GRID2: variants seen among roughly 807,000 people sequenced by gnomAD.
GRID2 encodes glutamate receptor ionotropic, delta-2.
Under a neutral mutation model 114.8 loss-of-function variants are expected in GRID2, and 33 were observed. The ratio of observed to expected loss-of-function variants is 0.29; its 90% CI spans 0.22 to 0.38. The LOEUF (loss-of-function observed/expected upper bound fraction) is 0.38. GRID2 is among the 10% of genes least tolerant of loss of function. GRID2 has a pLI of 1.00. For missense variants in GRID2, 1,184 were observed against 1,257.7 expected, an observed-to-expected ratio of 0.94 and a Z score of 0.89; for synonymous variants, 505 against 449.9, an observed-to-expected ratio of 1.12 and a Z score of -1.55.
chr4:92,897,417 A>G (rs1747251121), intron 2 of GRID2, among the ~76,000 whole-genome samples: 2 of 152,070 alleles, frequency 1.3e-5, no homozygotes, highest in African/African-American at 4.8e-5. Flanking sequence ...CAAAGTTCCT[A>G]TTTTGTTTGT....
chr4:93,059,743 A>G (rs1727598313), intron 2 of GRID2, among the ~76,000 whole-genome samples: 1 of 152,084 alleles, frequency 6.6e-6, no homozygotes, highest in Non-Finnish European at 1.5e-5. Flanking sequence ...AAGATAAATG[A>G]AACATAATTC....
At chr4:92,680,462 A>G (rs1733596934) in intron 2 of GRID2, among the ~76,000 whole-genome samples, 1 of 152,124 alleles carries the variant, frequency 6.6e-6, no homozygotes, top group Admixed American at 6.6e-5. Context: ...TTAAACACAA[A>G]GTAGAAAATG....
At chr4:93,125,890 G>A (rs1328134251) in intron 4 of GRID2, among the ~76,000 whole-genome samples, 1 of 152,154 alleles carries the variant, frequency 6.6e-6, no homozygotes. Flanking sequence ...TCTCTTCACT[G>A]CTTATGACAG....
intron 2 of GRID2, among the ~76,000 whole-genome samples, chr4:92,854,041 G>A (rs1263416595): frequency 6.6e-6 from 1 of 151,182 alleles, no homozygotes; most frequent in East Asian, 1.9e-4. Context: ...ACAGATCTGT[G>A]GTGCAATGAC....
In GRID2 at chr4:92,524,136, G is replaced by A. The variant is rs994620571; in HGVS notation, c.89-65995G>A. On this transcript the variant is annotated intron_variant, in intron 1 of 15. Transcript: ENST00000282020. ...CGAACTTTTTGATGGAGCCCTAAGA[G>A]TTGTCTTTATTGGTAAACAAGGGTT... 4.6e-5 allele frequency among the ~76,000 whole-genome samples: 7 copies of A among 152,110 alleles called. No homozygotes were observed. In the South Asian group the frequency reaches 8.3e-4, roughly 18 times the overall value.
At chr4:92,919,233 C>T (rs890952599) in intron 2 of GRID2, among the ~76,000 whole-genome samples, 1 of 150,374 alleles carries the variant, frequency 6.7e-6, no homozygotes, top group Non-Finnish European at 1.5e-5. Context: ...CTATTTGATT[C>T]TTCTCTCATT....
intron 8 of GRID2, among the ~76,000 whole-genome samples, chr4:93,372,136 A>G (rs991864025): frequency 1.3e-5 from 2 of 152,194 alleles, no homozygotes; most frequent in African/African-American, 2.4e-5. Context: ...AGACCTCATT[A>G]TAATAGTATT....
Position 93,422,789 on chromosome 4 carries a change from G to T in GRID2, c.1366G>T (p.Val456Phe). 1.9e-6 allele frequency: 3 copies of T among 1,612,376 alleles called. No homozygotes were observed. The highest frequency in any genetic ancestry group is 2.5e-6 in the Non-Finnish European group (3 of 1,178,530). Residue 456 changes from valine (V) to phenylalanine (F), a missense_variant, in exon 10 of 16, where the codon GTC (valine) becomes TTC (phenylalanine). Around this residue, in one of 3 missense-constraint regions of GRID2, gnomAD observed 717 missense variants for 796.9 expected, o/e 0.90. Coordinates refer to ENST00000282020, the MANE Select transcript of GRID2 (RefSeq NM_001510.4). ...CATGTAGGAAGAACCTTTTGTGATGGTCTCTGAAAATGTCTTGGGTAAGCC... is the reference window on the plus strand; with the variant it reads ...CATGTAGGAAGAACCTTTTGTGATGTTCTCTGAAAATGTCTTGGGTAAGCC... ...VTVLEEPFVM[V>F]SENVLGKPKK...
intron 2 of GRID2, among the ~76,000 whole-genome samples, chr4:92,869,200 G>A (rs976334693): frequency 6.6e-6 from 1 of 152,106 alleles, no homozygotes; most frequent in African/African-American, 2.4e-5. Flanking sequence ...GCTTACTGGT[G>A]ATACTGTCAT....
intron 2 of GRID2, among the ~76,000 whole-genome samples, chr4:92,804,965 A>G (rs1196833740): frequency 1.3e-5 from 2 of 152,014 alleles, no homozygotes; most frequent in Non-Finnish European, 2.9e-5. Flanking sequence ...GTTATTGCCT[A>G]AACTCCATTG....
In GRID2 at chr4:92,709,589, AATAT is replaced by A. The variant is rs1553919235; in HGVS notation, c.244+119320_244+119323del. Among the ~76,000 whole-genome samples the A allele has an allele frequency of 6.7e-4, 77 of 114,634 alleles. 2 individuals are homozygous for A. In the Middle Eastern group the frequency reaches 0.015, roughly 23 times the overall value. 75.2% of individuals were successfully genotyped at this position (114,634 alleles called of 152,430 possible). A position where few individuals can be genotyped will look rare whatever the true frequency, so the allele number is the denominator to read the frequency against. On this transcript the variant is annotated intron_variant, in intron 2 of 15. Coordinates refer to ENST00000282020, the MANE Select transcript of GRID2 (RefSeq NM_001510.4). ...AGTGTAGAGAAAAAAAAAAAAAAAA[AATAT>A]ATATATATATATATATGTAATTTGA... is the stretch of plus-strand genomic sequence containing the variant.
intron 1 of GRID2, among the ~76,000 whole-genome samples, chr4:92,421,677 G>A (rs943710861): frequency 1.3e-5 from 2 of 152,082 alleles, no homozygotes; most frequent in African/African-American, 4.8e-5. Flanking sequence ...AGAGTTTGCT[G>A]GGCGCTCTGT....
At chr4:92,331,260 A>G (rs537226741) in intron 1 of GRID2, among the ~76,000 whole-genome samples, 96 of 152,320 alleles carry the variant, frequency 6.3e-4, no homozygotes, top group African/African-American at 2.1e-3. Flanking sequence ...TTAAGTAGAA[A>G]GGCAAGAGAA....
At chr4:93,441,567 T>C (rs1721622265) in intron 10 of GRID2, among the ~76,000 whole-genome samples, 1 of 152,012 alleles carries the variant, frequency 6.6e-6, no homozygotes, top group Non-Finnish European at 1.5e-5. Flanking sequence ...CATCCTTTAG[T>C]ACAACATTAA....
chr4:93,116,538 G>C (rs1262549192), intron 4 of GRID2, among the ~76,000 whole-genome samples: 3 of 151,794 alleles, frequency 2.0e-5, no homozygotes, highest in African/African-American at 7.3e-5. Flanking sequence ...ATTCTAAATT[G>C]CTGTTTTCAA....
chr4:92,477,049 G>A (rs1205728578), intron 1 of GRID2, among the ~76,000 whole-genome samples: 9 of 52,394 alleles, frequency 1.7e-4, no homozygotes, highest in African/African-American at 7.5e-4. Flanking sequence ...ATGTGTGTGT[G>A]TGTGTGTGTG....
intron 2 of GRID2, among the ~76,000 whole-genome samples, chr4:92,729,449 G>A (rs1736224861): frequency 6.6e-6 from 1 of 151,922 alleles, no homozygotes; most frequent in Non-Finnish European, 1.5e-5. Context: ...GATTTTGATT[G>A]ATAATTTTTT....
intron 8 of GRID2, among the ~76,000 whole-genome samples, chr4:93,307,024 C>T (rs1284071975): frequency 1.3e-5 from 2 of 151,744 alleles, no homozygotes; most frequent in Admixed American, 1.3e-4. Context: ...GATGAAAGCC[C>T]GTCTCTACTA....
At chr4:93,616,823 T>C (rs1741708339) in intron 13 of GRID2, among the ~76,000 whole-genome samples, 1 of 151,364 alleles carries the variant, frequency 6.6e-6, no homozygotes, top group Non-Finnish European at 1.5e-5. Flanking sequence ...AAACCCCATC[T>C]CTACTAAACA....
Sources: gnomAD v4.1 joint callset for allele counts (sites outside exome capture counted in the v4.1 genomes callset) on GRCh38, gnomAD v4.1.1 for gene constraint, gnomAD v4.1.1 regional missense constraint, MANE v1.5 for transcripts, NCBI Gene and HGNC (gene_info 2026-07-23, HGNC 2026-07-21) for gene names.